Variants in FARS2 observed in about 807,000 individuals in gnomAD.
The protein encoded by FARS2 is phenylalanyl-tRNA synthetase 2, mitochondrial, also known as phenylalanine--tRNA ligase, mitochondrial.
In FARS2, 40 loss-of-function variants were observed where a neutral mutation model predicts 46.4. The observed-to-expected ratio is 0.86, with a 90% CI of 0.67 to 1.12. The LOEUF (loss-of-function observed/expected upper bound fraction) is 1.12, where lower values mean the gene tolerates loss of function less well. Among genes scored for constraint, FARS2 ranks in the 50% most tolerant of loss-of-function variants. FARS2 has a pLI of 0.00. For missense variants in FARS2, 513 were observed against 567.9 expected (o/e 0.90, Z 0.98); for synonymous variants, 234 against 214.9 (o/e 1.09, Z -0.78).
intron 2 of FARS2, among the ~76,000 whole-genome samples, chr6:5,379,359 AT>A (rs1470522610): frequency 2.0e-5 from 3 of 152,232 alleles, no homozygotes; most frequent in African/African-American, 7.2e-5. Flanking sequence ...CAATTCTGAT[AT>A]GGAAACCGCA....
chr6:5,513,405 A>C (rs914321146), intron 4 of FARS2, among the ~76,000 whole-genome samples: 1 of 152,208 alleles, frequency 6.6e-6, no homozygotes, highest in African/African-American at 2.4e-5. Flanking sequence ...ACCATACCAG[A>C]AAGTACTGAC....
chr6:5,668,096 C>T (rs990396983), intron 6 of FARS2: 2 of 152,056 alleles, frequency 1.3e-5, no homozygotes, highest in Admixed American at 6.5e-5. Flanking sequence ...CTGTGTACAC[C>T]GACAATAAAT....
chr6:5,514,268 C>G, intron 4 of FARS2, among the ~76,000 whole-genome samples: 1 of 152,106 alleles, frequency 6.6e-6, no homozygotes. Context: ...ATGAAATTCT[C>G]TCCAAGTACA....
intron 1 of FARS2, among the ~76,000 whole-genome samples, chr6:5,325,559 T>G (rs1242329629): frequency 6.6e-6 from 1 of 152,142 alleles, no homozygotes. Context: ...TGGTAGTATA[T>G]CGTAGGGCCC....
chr6:5,692,111 G>T (rs1187153880), intron 6 of FARS2, among the ~76,000 whole-genome samples: 1 of 152,206 alleles, frequency 6.6e-6, no homozygotes, highest in Non-Finnish European at 1.5e-5. Context: ...CTAGGAAAGG[G>T]AATTCCCTGA....
intron 4 of FARS2, among the ~76,000 whole-genome samples, chr6:5,529,508 A>ATG (rs1260880262): frequency 1.3e-5 from 2 of 152,114 alleles, no homozygotes; most frequent in East Asian, 3.9e-4. Context: ...GGGTTTTACC[A>ATG]TGTTGGCCAG....
intron 6 of FARS2, among the ~76,000 whole-genome samples, chr6:5,620,006 C>T (rs562161686): frequency 2.2e-4 from 34 of 152,184 alleles, no homozygotes; most frequent in African/African-American, 3.1e-4. Flanking sequence ...GCGCATCAGA[C>T]GAGTTTTCGG....
rs191482725 is a variant in FARS2, at chr6:5,686,238, C to A, written c.1217+72918C>A. Among the ~76,000 whole-genome samples the A allele has an allele frequency of 4.6e-3, 704 of 152,122 alleles. 2 individuals are homozygous for A. Among genetic ancestry groups the A allele is most frequent in the Non-Finnish European group, 7.7e-3 (524 of 68,018 alleles). On this transcript the variant is annotated intron_variant, in intron 6 of 6. Transcript: ENST00000274680. ...TTATTATACTTTAAGTTTTAGGGTA[C>A]ATGTGCACAACATGCAGGTTTGTTA...
intron 2 of FARS2, among the ~76,000 whole-genome samples, chr6:5,387,350 A>C (rs1014709554): frequency 6.6e-6 from 1 of 152,218 alleles, no homozygotes; most frequent in African/African-American, 2.4e-5. Context: ...TTACAAAGGT[A>C]GGAATGAAGG....
chr6:5,649,552 T>G (rs1180312028), intron 6 of FARS2, among the ~76,000 whole-genome samples: 3 of 152,234 alleles, frequency 2.0e-5, no homozygotes, highest in African/African-American at 7.2e-5. Context: ...TACTGTGGTG[T>G]TCGCCCTACC....
chr6:5,653,710 A>T (rs143678882), intron 6 of FARS2, among the ~76,000 whole-genome samples: 3 of 152,214 alleles, frequency 2.0e-5, no homozygotes, highest in African/African-American at 7.2e-5. Flanking sequence ...CCCAACCTTC[A>T]TTCATTGATT....
intron 6 of FARS2, among the ~76,000 whole-genome samples, chr6:5,687,966 T>G (rs535678377): frequency 6.6e-6 from 1 of 152,334 alleles, no homozygotes; most frequent in South Asian, 2.1e-4. Flanking sequence ...GAAGCAATTG[T>G]GAATGGGAGT....
chr6:5,635,436 G>A (rs1403021764), intron 6 of FARS2, among the ~76,000 whole-genome samples: 2 of 152,118 alleles, frequency 1.3e-5, no homozygotes, highest in African/African-American at 4.8e-5. Context: ...AAATAATAAA[G>A]CAGGTTGAAG....
At chr6:5,557,890 G>A (rs564474490) in intron 5 of FARS2, among the ~76,000 whole-genome samples, 47 of 151,992 alleles carry the variant, frequency 3.1e-4, no homozygotes, top group Admixed American at 5.2e-4. Flanking sequence ...CACTTTTTTC[G>A]GTTTGAAATT....
At chr6:5,393,223 T>A (rs1581972500) in intron 2 of FARS2, among the ~76,000 whole-genome samples, 1 of 151,846 alleles carries the variant, frequency 6.6e-6, no homozygotes, top group Non-Finnish European at 1.5e-5. Context: ...CTCTCAGGAT[T>A]ATTATAGGCT....
intron 6 of FARS2, among the ~76,000 whole-genome samples, chr6:5,732,206 G>A (rs775198457): frequency 2.0e-5 from 3 of 152,206 alleles, no homozygotes; most frequent in Non-Finnish European, 2.9e-5. Context: ...ATGAACAGTC[G>A]TTGAAAGTGA....
At chr6:5,276,200 T>C (rs1006367741) in intron 1 of FARS2, among the ~76,000 whole-genome samples, 5 of 152,202 alleles carry the variant, frequency 3.3e-5, no homozygotes, top group Non-Finnish European at 7.3e-5. Context: ...TTGTTGGTAT[T>C]AGTTTTACCG....
intron 5 of FARS2, among the ~76,000 whole-genome samples, chr6:5,587,677 T>C (rs1773692183): frequency 6.6e-6 from 1 of 152,198 alleles, no homozygotes; most frequent in Non-Finnish European, 1.5e-5. Flanking sequence ...AACGAATATT[T>C]CCCTAACTTA....
At chr6:5,304,302 T>G (rs1768536906) in intron 1 of FARS2, among the ~76,000 whole-genome samples, 1 of 152,256 alleles carries the variant, frequency 6.6e-6, no homozygotes, top group African/African-American at 2.4e-5. Context: ...GGCTGTATCA[T>G]ATTCTGTTGT....
Sources: gnomAD v4.1 joint callset for allele counts (sites outside exome capture counted in the v4.1 genomes callset) on GRCh38, gnomAD v4.1.1 for gene constraint, MANE v1.5 for transcripts, NCBI Gene and HGNC (gene_info 2026-07-23, HGNC 2026-07-21) for gene names.